Variants in ARHGAP20 observed in about 807,000 individuals in gnomAD.
ARHGAP20 encodes the protein rho GTPase-activating protein 20.
ARHGAP20 carries 34 observed loss-of-function variants against 73.7 expected under a neutral mutation model. That is an observed-to-expected ratio of 0.46 (90% CI 0.35 to 0.61). The LOEUF is 0.61. ARHGAP20 is among the 20% of genes least tolerant of loss of function. The pLI, the probability that ARHGAP20 is intolerant of heterozygous loss-of-function variation, is 0.00. For synonymous variants in ARHGAP20, 523 were observed against 518.2 expected, an observed-to-expected ratio of 1.01 and a Z score of -0.13; for missense variants, 1,314 against 1,420.9, an observed-to-expected ratio of 0.92 and a Z score of 1.21.
At chr11:110,657,834 G>A (rs530925736) in intron 2 of ARHGAP20, among the ~76,000 whole-genome samples, 1 of 151,892 alleles carries the variant, frequency 6.6e-6, no homozygotes. Flanking sequence ...AGCGGAGGTT[G>A]CAGTGAGCCA....
intron 2 of ARHGAP20, among the ~76,000 whole-genome samples, chr11:110,665,551 T>A (rs531264800): frequency 6.6e-6 from 1 of 152,326 alleles, no homozygotes; most frequent in East Asian, 1.9e-4. Flanking sequence ...GAGATTCTAT[T>A]GCACAGGGCA....
At position 110,706,844 on chromosome 11, in the gene ARHGAP20, G is replaced by A. The variant is rs145437166; in HGVS notation, c.105+5283C>T. Reference sequence around the variant, plus strand: ...ACCCTCCCTGCCAACACAATCTCACGTATCTGATTTCATGCAATTCATTTT... The same window carrying A: ...ACCCTCCCTGCCAACACAATCTCACATATCTGATTTCATGCAATTCATTTT... On this transcript the variant is annotated intron_variant, in intron 1 of 14. Coordinates refer to ENST00000683387, the MANE Select transcript of ARHGAP20 (RefSeq NM_001384657.1). Among the ~76,000 whole-genome samples, 5 of 152,128 alleles carry A rather than the reference G, an allele frequency of 3.3e-5. No homozygotes were observed. The East Asian group carries it at 7.7e-4, about 23-fold the overall frequency.
chr11:110,628,826 G>A (rs1166324652), intron 3 of ARHGAP20, among the ~76,000 whole-genome samples: 1 of 152,094 alleles, frequency 6.6e-6, no homozygotes, highest in Non-Finnish European at 1.5e-5. Context: ...GTCAGCTACA[G>A]AAGCAGACAA....
chr11:110,705,069 T>C (rs1325345136), intron 1 of ARHGAP20, among the ~76,000 whole-genome samples: 2 of 152,178 alleles, frequency 1.3e-5, no homozygotes, highest in Admixed American at 1.3e-4. Flanking sequence ...ATCTAGTATA[T>C]TTTCAGCTAC....
At chr11:110,683,553 A>G (rs1950076070) in intron 2 of ARHGAP20, among the ~76,000 whole-genome samples, 1 of 152,186 alleles carries the variant, frequency 6.6e-6, no homozygotes, top group African/African-American at 2.4e-5. Context: ...TGTACAAGGT[A>G]TTATTTTATT....
At chr11:110,665,846 A>G (rs1949712741) in intron 2 of ARHGAP20, among the ~76,000 whole-genome samples, 2 of 152,318 alleles carry the variant, frequency 1.3e-5, no homozygotes, top group African/African-American at 4.8e-5. Flanking sequence ...CCCAAAAGCC[A>G]AAGTAGAGAA....
chr11:110,632,280 C>T (rs190974512), intron 2 of ARHGAP20, among the ~76,000 whole-genome samples: 1 of 152,266 alleles, frequency 6.6e-6, no homozygotes. Context: ...AACGATGGTA[C>T]CATTTTACAT....
At chr11:110,709,578 G>A (rs1046075041) in intron 1 of ARHGAP20, among the ~76,000 whole-genome samples, 3 of 152,154 alleles carry the variant, frequency 2.0e-5, no homozygotes, top group Non-Finnish European at 4.4e-5. Flanking sequence ...TAGAACCTAC[G>A]ATCTGACAAT....
At chr11:110,628,990 A>G (rs1217100122) in intron 3 of ARHGAP20, among the ~76,000 whole-genome samples, 1 of 152,214 alleles carries the variant, frequency 6.6e-6, no homozygotes, top group Admixed American at 6.5e-5. Flanking sequence ...CAGGTAAAAA[A>G]ACAAAGGTCC....
At chr11:110,687,973 C>A (rs748528827) in intron 2 of ARHGAP20, among the ~76,000 whole-genome samples, 8 of 152,150 alleles carry the variant, frequency 5.3e-5, no homozygotes, top group Middle Eastern at 3.4e-3. Context: ...TATCTCTTGA[C>A]GTACAAGGTA....
Position 110,580,355 on chromosome 11 carries a change from T to A in ARHGAP20, c.2591A>T (p.Tyr864Phe). 6.2e-7 allele frequency: 1 copy of A among 1,614,228 alleles called. No homozygotes were observed. The highest frequency in any genetic ancestry group is 8.5e-7 in the Non-Finnish European group (1 of 1,180,042). Reference sequence around the variant, plus strand: ...GCTGGTTTTATGTTGTTTCTTTGAATAAATTCCCCTGAGATAGGTCAGCTT... The same window carrying A: ...GCTGGTTTTATGTTGTTTCTTTGAAAAAATTCCCCTGAGATAGGTCAGCTT... Reference protein sequence around the residue: ...NRKLTYLRGIYSKKQHKTSCE... With the variant: ...NRKLTYLRGIFSKKQHKTSCE... The change falls in exon 15 of 15, where the codon TAT becomes TTT. Residue 864 changes from tyrosine to phenylalanine, a missense_variant. Tyr to Phe is a conservative substitution (Grantham distance 22). Around this residue, in one of 3 missense-constraint regions of ARHGAP20, gnomAD observed 641 missense variants for 636.9 expected, o/e 1.01. Coordinates refer to ENST00000683387, the MANE Select transcript of ARHGAP20 (RefSeq NM_001384657.1).
chr11:110,666,571 T>C (rs11213524), intron 2 of ARHGAP20, among the ~76,000 whole-genome samples: 47,189 of 152,052 alleles, frequency 0.31, 8,201 homozygotes, highest in African/African-American at 0.48. Flanking sequence ...TATTGTGCTT[T>C]ACTTTATTGT....
At chr11:110,696,402 C>G (rs1383077325) in intron 1 of ARHGAP20, among the ~76,000 whole-genome samples, 3 of 151,534 alleles carry the variant, frequency 2.0e-5, no homozygotes, top group African/African-American at 7.3e-5. Flanking sequence ...TGGTCCTTAG[C>G]CATAAGTTAT....
chr11:110,617,188 C>A (rs1053431693), intron 4 of ARHGAP20, among the ~76,000 whole-genome samples: 1 of 151,862 alleles, frequency 6.6e-6, no homozygotes, highest in African/African-American at 2.4e-5. Context: ...CTTCTTTCAA[C>A]ATTATGTTTA....
chr11:110,707,973 G>GAA lies in ARHGAP20; in HGVS notation c.105+4152_105+4153dup. Among the ~76,000 whole-genome samples, 2 of 144,438 alleles carry GAA rather than the reference G, an allele frequency of 1.4e-5. 1 individual carries two copies. The highest frequency in any genetic ancestry group is 5.1e-5 in the African/African-American group (2 of 39,590). The allele number at this position is 144,438 out of a possible 152,430, so 94.8% of individuals were successfully genotyped here. A position where few individuals can be genotyped will look rare whatever the true frequency, so the allele number is the denominator to read the frequency against. ...GTTGATTATAATTAAGAAGCTTACAGAAAAAAAAAATGACAAATTGTATTT... is the reference window on the plus strand; with the variant it reads ...GTTGATTATAATTAAGAAGCTTACAGAAAAAAAAAAAATGACAAATTGTATTT... On this transcript the variant is annotated intron_variant, in intron 1 of 14. Coordinates refer to ENST00000683387, the MANE Select transcript of ARHGAP20 (RefSeq NM_001384657.1).
chr11:110,607,392 A>G (rs2134878319), intron 8 of ARHGAP20, among the ~76,000 whole-genome samples: 1 of 152,350 alleles, frequency 6.6e-6, no homozygotes, highest in African/African-American at 2.4e-5. Context: ...ACACAGAAAC[A>G]GATGCAAAAA....
In ARHGAP20 at chr11:110,580,444, A is replaced by G. The variant is rs779596753; in HGVS notation, c.2502T>C (p.Asp834=). ...TSGYSPPHTA[D]ALKGPRTHRR... ...GATGTGTCCTTGGACCCTTGAGGGC[A>G]TCTGCTGTGTGTGGTGGGGAGTATC... is the stretch of plus-strand genomic sequence containing the variant. The change falls in exon 15 of 15, where the codon GAT becomes GAC. Residue 834 remains aspartate, a synonymous_variant. Coordinates refer to ENST00000683387, the MANE Select transcript of ARHGAP20 (RefSeq NM_001384657.1). 1.9e-6 allele frequency: 3 copies of G among 1,614,116 alleles called. No homozygotes were observed. The South Asian group carries it at 3.3e-5, about 18-fold the overall frequency.
chr11:110,608,954 A>G, intron 8 of ARHGAP20, 30 bp downstream of exon 8: 2 of 1,578,018 alleles, frequency 1.3e-6, no homozygotes, highest in Non-Finnish European at 1.7e-6. Flanking sequence ...AACACAATCA[A>G]TGCTATCTTA....
chr11:110,599,555 G>C (rs759283723), intron 9 of ARHGAP20, among the ~76,000 whole-genome samples: 10 of 152,230 alleles, frequency 6.6e-5, no homozygotes, highest in Non-Finnish European at 1.3e-4. Flanking sequence ...TGAGTCCCTG[G>C]TGAGGCCTAC....
Sources: gnomAD v4.1 joint callset for allele counts (sites outside exome capture counted in the v4.1 genomes callset) on GRCh38, gnomAD v4.1.1 for gene constraint, gnomAD v4.1.1 regional missense constraint, MANE v1.5 for transcripts, NCBI Gene and HGNC (gene_info 2026-07-23, HGNC 2026-07-21) for gene names.